The following PDXDC1 variants were observed in gnomAD, a reference collection of about 807,000 sequenced individuals.
PDXDC1 encodes pyridoxal-dependent decarboxylase domain-containing protein 1.
In PDXDC1, 42 loss-of-function variants were observed where a neutral mutation model predicts 100.1. The ratio of observed to expected loss-of-function variants is 0.42; its 90% CI spans 0.33 to 0.54. The LOEUF (loss-of-function observed/expected upper bound fraction) is 0.54, where lower values mean the gene tolerates loss of function less well. PDXDC1 is among the 20% of genes least tolerant of loss of function. The pLI is 0.10. For missense variants in PDXDC1, 636 were observed against 979.2 expected, an observed-to-expected ratio of 0.65 and a Z score of 4.68; for synonymous variants, 260 against 371.7, an observed-to-expected ratio of 0.70 and a Z score of 3.46.
chr16:15,094,068 T>C lies in PDXDC1; in HGVS notation c.1400-44811T>C, dbSNP rs569272319. The C allele has an allele frequency of 1.3e-5, 17 of 1,307,156 alleles. No individual in the cohort carries two copies. The East Asian group carries it at 4.3e-4, about 33-fold the overall frequency. 81.0% of individuals were successfully genotyped at this position (1,307,156 alleles called of 1,614,324 possible). Reference sequence around the variant, plus strand: ...CACACGCCATGAGCTTTGTCCCACATCCTTTCAATCCGCTCCTCTAAGCGC... The same window carrying C: ...CACACGCCATGAGCTTTGTCCCACACCCTTTCAATCCGCTCCTCTAAGCGC... On this transcript the variant is annotated intron_variant, in intron 16 of 16. Coordinates refer to the PDXDC1 transcript ENST00000535621.
chr16:15,133,436 G>C (rs572675117), intron 16 of PDXDC1: 37 of 996,752 alleles, frequency 3.7e-5, no homozygotes, highest in South Asian at 1.3e-4. Flanking sequence ...ACGAGCAGAG[G>C]GGGGTGGTGA....
rs554989307 is a variant in PDXDC1 at position 15,131,196 on chromosome 16, G to T, written c.1400-7683G>T. 37 of 1,589,002 alleles carry T rather than the reference G, an allele frequency of 2.3e-5. 1 individual carries two copies. The East Asian group carries it at 7.6e-4, about 33-fold the overall frequency. On this transcript the variant is annotated intron_variant, in intron 16 of 16. Transcript: ENST00000535621. ...CCTGGGGCTGGACCACAACGGAGTT[G>T]GCAGAGCTGCGGTGGCCCCGGGCAG...
chr16:15,090,107 G>C (rs1371488189), intron 16 of PDXDC1, among the ~76,000 whole-genome samples: 1 of 151,992 alleles, frequency 6.6e-6, no homozygotes, highest in Non-Finnish European at 1.5e-5. Flanking sequence ...CTATTTGGGA[G>C]GCTGAGGCAG....
At chr16:15,031,073 C>T (rs1227415910) in intron 16 of PDXDC1, among the ~76,000 whole-genome samples, 1 of 151,500 alleles carries the variant, frequency 6.6e-6, no homozygotes, top group Non-Finnish European at 1.5e-5. Flanking sequence ...GCCTCAGCCT[C>T]CCAAGGAGCT....
chr16:15,143,304 G>A (rs1165431076), downstream of PDXDC1, among the ~76,000 whole-genome samples: 3 of 152,158 alleles, frequency 2.0e-5, no homozygotes, highest in African/African-American at 7.2e-5. Flanking sequence ...TGCCAATCCT[G>A]GAGCAGGAGC....
intron 1 of PDXDC1, among the ~76,000 whole-genome samples, chr16:14,979,614 A>G (rs1967494591): frequency 6.6e-6 from 1 of 152,266 alleles, no homozygotes; most frequent in Non-Finnish European, 1.5e-5. Context: ...TCTAATTCTC[A>G]TCTCTGAAAG....
At position 14,975,040 on chromosome 16, in the gene PDXDC1, G is replaced by A. The variant is rs1446151435; in HGVS notation, c.-160G>A. Reference sequence around the variant, plus strand: ...CGCCCCGCCGCCTCTCAACCATCAGGTTCGGCAGCCCGCGGCGCCGCCTGG... The same window carrying A: ...CGCCCCGCCGCCTCTCAACCATCAGATTCGGCAGCCCGCGGCGCCGCCTGG... On this transcript the variant is annotated 5_prime_UTR_variant, in exon 1 of 23. Transcript: ENST00000396410. The A allele has an allele frequency of 5.9e-6, 9 of 1,523,032 alleles. No individual in the cohort carries two copies. The South Asian group carries it at 6.0e-5, about 10-fold the overall frequency. 94.3% of individuals were successfully genotyped at this position (1,523,032 alleles called of 1,614,324 possible).
At chr16:15,030,959 A>AT (rs968932105) in intron 16 of PDXDC1, among the ~76,000 whole-genome samples, 24 of 141,266 alleles carry the variant, frequency 1.7e-4, no homozygotes, top group South Asian at 2.3e-4. Context: ...TTTGGTTTTT[A>AT]TTTTTTTTTT....
At chr16:15,109,109 A>G (rs980730878) in intron 16 of PDXDC1, 12 of 145,850 alleles carry the variant, frequency 8.2e-5, no homozygotes, top group African/African-American at 2.7e-4. Flanking sequence ...CTAGGCCTCA[A>G]TTCATTGCTA....
chr16:15,098,873 C>CA lies in PDXDC1; in HGVS notation c.1400-39997dup, dbSNP rs527895668. ...CAGCCTAGGCATCAAAACTCCCTCT[C>CA]AAAAAAAAAGAGCAACTTTCTTGTC... On this transcript the variant is annotated intron_variant, in intron 16 of 16. Transcript: ENST00000535621. 4.9e-3 allele frequency among the ~76,000 whole-genome samples: 733 copies of CA among 150,418 alleles called. 6 individuals carry two copies. Among genetic ancestry groups the CA allele is most frequent in the Non-Finnish European group, 7.7e-3 (520 of 67,508 alleles).
chr16:15,141,885 T>A (rs1044417561), downstream of PDXDC1, among the ~76,000 whole-genome samples: 76 of 152,126 alleles, frequency 5.0e-4, no homozygotes, highest in Non-Finnish European at 1.5e-4. Context: ...GGAACTGCAG[T>A]TAGACCTGAG....
At chr16:15,124,822 T>C (rs60219045) in intron 16 of PDXDC1, among the ~76,000 whole-genome samples, 8,567 of 151,126 alleles carry the variant, frequency 0.057, 412 homozygotes, top group African/African-American at 0.12. Flanking sequence ...AAGTATGGAA[T>C]TCAATTCTTT....
intron 13 of PDXDC1, among the ~76,000 whole-genome samples, chr16:15,023,077 G>A (rs1418335383): frequency 6.6e-6 from 1 of 152,252 alleles, no homozygotes; most frequent in Admixed American, 6.5e-5. Context: ...CAAGGCCTTG[G>A]GCACACTCTT....
downstream of PDXDC1, among the ~76,000 whole-genome samples, chr16:15,141,389 C>T (rs2048472980): frequency 1.3e-5 from 2 of 152,354 alleles, no homozygotes; most frequent in Admixed American, 6.5e-5. Context: ...ACGGTGGAGC[C>T]GAGCCCTCAC....
chr16:15,110,144 T>A (rs1356067601), intron 16 of PDXDC1, among the ~76,000 whole-genome samples: 1 of 142,640 alleles, frequency 7.0e-6, no homozygotes, highest in African/African-American at 2.6e-5. Context: ...AAGCCCCATC[T>A]CAGGAAAAAA....
At chr16:15,100,798 C>T (rs1334685078) in intron 16 of PDXDC1, among the ~76,000 whole-genome samples, 5 of 152,130 alleles carry the variant, frequency 3.3e-5, no homozygotes, top group African/African-American at 4.8e-5. Flanking sequence ...GCCAGAATCT[C>T]TGCCTAGCCT....
At chr16:15,064,215 G>A (rs908702757) in intron 16 of PDXDC1, among the ~76,000 whole-genome samples, 4 of 150,874 alleles carry the variant, frequency 2.7e-5, no homozygotes, top group South Asian at 4.2e-4. Flanking sequence ...TCACTCTCTC[G>A]CCCAGGCTGG....
At chr16:15,085,555 T>C in intron 16 of PDXDC1, 2 of 1,567,602 alleles carry the variant, frequency 1.3e-6, no homozygotes, top group East Asian at 2.3e-5. Context: ...TGGCCTCAAG[T>C]GATCCTCCCG....
At chr16:15,055,836 G>A (rs2044489692) in intron 16 of PDXDC1, 1 of 974,498 alleles carries the variant, frequency 1.0e-6, no homozygotes, top group Non-Finnish European at 1.3e-6. Context: ...GCGCTAGCCC[G>A]CCCTGCAGCT....
Sources: allele counts gnomAD v4.1 joint callset (sites outside exome capture counted in the v4.1 genomes callset), GRCh38; gene constraint gnomAD v4.1.1; transcripts MANE v1.5; gene names NCBI Gene and HGNC (gene_info 2026-07-23, HGNC 2026-07-21).